KDM4D: variants seen among roughly 807,000 people sequenced by gnomAD.
KDM4D encodes the protein lysine demethylase 4D.
For missense variants in KDM4D, 427 were observed against 674.8 expected, an observed-to-expected ratio of 0.63 and a Z score of 4.07; for synonymous variants, 254 against 249.1, an observed-to-expected ratio of 1.02 and a Z score of -0.19.
chr11:94,980,161 AT>A (rs1857832184), intron 2 of KDM4D, among the ~76,000 whole-genome samples: 1 of 152,154 alleles, frequency 6.6e-6, no homozygotes, highest in Non-Finnish European at 1.5e-5. Flanking sequence ...GAGTGGTTCA[AT>A]TATCATTCTT....
intron 2 of KDM4D, among the ~76,000 whole-genome samples, chr11:94,981,816 T>C (rs979877705): frequency 2.6e-5 from 4 of 151,710 alleles, no homozygotes; most frequent in Non-Finnish European, 5.9e-5. Context: ...ATATTTTATA[T>C]TGGCTTTTTA....
At chr11:94,987,830 A>C (rs1555098257) in intron 2 of KDM4D, among the ~76,000 whole-genome samples, 1 of 152,212 alleles carries the variant, frequency 6.6e-6, no homozygotes, top group Non-Finnish European at 1.5e-5. Flanking sequence ...AGAACAAAAA[A>C]AATTCCTGGA....
intron 2 of KDM4D, among the ~76,000 whole-genome samples, chr11:94,976,950 T>G (rs1187115923): frequency 6.6e-6 from 1 of 152,204 alleles, no homozygotes; most frequent in Non-Finnish European, 1.5e-5. Flanking sequence ...AACAATTAAT[T>G]TTATAGCTGT....
intron 2 of KDM4D, among the ~76,000 whole-genome samples, chr11:94,988,608 T>C (rs1483420436): frequency 2.0e-5 from 3 of 152,196 alleles, no homozygotes; most frequent in African/African-American, 4.8e-5. Context: ...TAGACTCTAA[T>C]TGGAAATGTC....
At chr11:94,993,633 G>A (rs943664388) in intron 2 of KDM4D, among the ~76,000 whole-genome samples, 6 of 151,224 alleles carry the variant, frequency 4.0e-5, no homozygotes, top group Non-Finnish European at 7.4e-5. Context: ...AGAATCCTTA[G>A]AAATGTAGAA....
intron 2 of KDM4D, among the ~76,000 whole-genome samples, chr11:94,978,552 A>G (rs1231039228): frequency 1.3e-5 from 2 of 152,194 alleles, no homozygotes; most frequent in African/African-American, 2.4e-5. Context: ...TCCAAATGAA[A>G]TATCATTTGC....
At chr11:94,994,783 T>C (rs189150761) in intron 2 of KDM4D, among the ~76,000 whole-genome samples, 1,477 of 126,124 alleles carry the variant, frequency 0.012, 15 homozygotes, top group South Asian at 0.051. Context: ...GACCTGGGGT[T>C]GGGTGGGAGA....
chr11:94,984,227 G>A (rs1857865743), intron 2 of KDM4D, among the ~76,000 whole-genome samples: 1 of 152,146 alleles, frequency 6.6e-6, no homozygotes, highest in Non-Finnish European at 1.5e-5. Flanking sequence ...AGGCACAGTG[G>A]CTCATGCCTG....
At chr11:94,994,088 G>A (rs1444741485) in intron 2 of KDM4D, among the ~76,000 whole-genome samples, 1 of 152,110 alleles carries the variant, frequency 6.6e-6, no homozygotes, top group East Asian at 1.9e-4. Flanking sequence ...TCTTCTATAA[G>A]GAAGATAAAG....
intron 2 of KDM4D, among the ~76,000 whole-genome samples, chr11:94,995,874 A>G (rs1857971529): frequency 6.6e-6 from 1 of 152,084 alleles, no homozygotes; most frequent in African/African-American, 2.4e-5. Context: ...GCCTGGAAAA[A>G]TCCTAACCCT....
At chr11:94,980,916 T>C (rs1857837229) in intron 2 of KDM4D, among the ~76,000 whole-genome samples, 1 of 152,162 alleles carries the variant, frequency 6.6e-6, no homozygotes, top group Non-Finnish European at 1.5e-5. Context: ...TTTCCTTGCC[T>C]TCTTATGTTG....
intron 2 of KDM4D, among the ~76,000 whole-genome samples, chr11:94,996,363 A>C (rs1251809674): frequency 2.0e-5 from 3 of 152,164 alleles, no homozygotes; most frequent in Admixed American, 2.0e-4. Context: ...CCTACACAAC[A>C]ACCCCTCTTT....
At chr11:94,983,834 A>C (rs11020995) in intron 2 of KDM4D, among the ~76,000 whole-genome samples, 92,983 of 151,972 alleles carry the variant, frequency 0.61, 29,087 homozygotes, top group Middle Eastern at 0.73. Flanking sequence ...AGGTGTGGAG[A>C]AACAGAAACT....
chr11:94,982,286 G>A (rs1251951206), intron 2 of KDM4D, among the ~76,000 whole-genome samples: 5 of 151,842 alleles, frequency 3.3e-5, no homozygotes, highest in South Asian at 2.1e-4. Context: ...TCTGCAGCTC[G>A]GCAGAACTGA....
rs143300349 is a variant in KDM4D, at chr11:94,976,129, G to C, written c.-350+381G>C. Among the ~76,000 whole-genome samples the C allele has an allele frequency of 3.3e-3, 499 of 152,268 alleles. 4 individuals carry two copies. The highest frequency in any genetic ancestry group is 0.011 in the African/African-American group (470 of 41,544). On this transcript the variant is annotated intron_variant, in intron 2 of 2. Coordinates refer to ENST00000335080, the MANE Select transcript of KDM4D (RefSeq NM_018039.3). ...TTTACTAAAATCTTGAAATTCATCT[G>C]ATCAGTTAACCTAGCTGGCAAAAAT...
At position 94,998,732 on chromosome 11, in the gene KDM4D, G is replaced by T. The variant is rs1410747024; in HGVS notation, c.1360G>T (p.Gly454Cys). 1.2e-6 allele frequency: 2 copies of T among 1,613,922 alleles called. No homozygotes were observed. The highest frequency in any genetic ancestry group is 3.3e-5 in the Admixed American group (2 of 60,004). Residue 454 changes from glycine to cysteine, a missense_variant, in exon 3 of 3, where the codon GGT becomes TGT. Coordinates refer to ENST00000335080, the MANE Select transcript of KDM4D (RefSeq NM_018039.3). The surrounding 1 kb of genome is among the most constrained non-coding windows in gnomAD (Gnocchi z 6.7). Reference sequence around the variant, plus strand: ...CCCGTCAAATGGCAGACGTGGTCGTGGTCGCCCTCCTCAGAAACTGAGAGC... The same window carrying T: ...CCCGTCAAATGGCAGACGTGGTCGTTGTCGCCCTCCTCAGAAACTGAGAGC... ...IHPSNGRRGR[G>C]RPPQKLRAQE...
At position 94,982,543 on chromosome 11, in the gene KDM4D, T is replaced by TAA. The variant is rs56220010; in HGVS notation, c.-350+6810_-350+6811dup. On this transcript the variant is annotated intron_variant, in intron 2 of 2. Transcript: ENST00000335080. ...TAGTTACTTAAGACTTCCCTATTTC[T>TAA]AAAAAAAAAAAAAAAAGAGACATGA... Among the ~76,000 whole-genome samples, 190 of 139,564 alleles carry TAA rather than the reference T, an allele frequency of 1.4e-3. 3 individuals carry two copies. Among genetic ancestry groups the TAA allele is most frequent in the East Asian group, 0.011 (49 of 4,580 alleles). 91.6% of individuals were successfully genotyped at this position (139,564 alleles called of 152,430 possible).
chr11:94,998,755 A>T lies in KDM4D; in HGVS notation c.1383A>T (p.Arg461Ser), dbSNP rs1555099636. The change falls in exon 3 of 3, where the codon AGA becomes AGT. Residue 461 changes from arginine to serine, a missense_variant. By Grantham distance (110) the Arg-to-Ser change is moderately radical. Coordinates refer to ENST00000335080, the MANE Select transcript of KDM4D (RefSeq NM_018039.3). This position sits in a 1 kb window ranked among gnomAD's most constrained non-coding sequence, Gnocchi z 6.7. The stretch of plus-strand genomic sequence containing the variant: ...GTGGTCGCCCTCCTCAGAAACTGAG[A>T]GCTCAGGAGCTGACCCTCCAGACTC... ...RGRGRPPQKL[R>S]AQELTLQTPA... 1.2e-6 allele frequency: 2 copies of T among 1,612,730 alleles called. No individual in the cohort carries two copies. The highest frequency in any genetic ancestry group is 1.3e-5 in the African/African-American group (1 of 74,984).
At chr11:94,980,684 T>C (rs1857835527) in intron 2 of KDM4D, among the ~76,000 whole-genome samples, 1 of 152,192 alleles carries the variant, frequency 6.6e-6, no homozygotes, top group African/African-American at 2.4e-5. Flanking sequence ...TTAATGCTAT[T>C]ATAAATGGCG....
Sources: gnomAD v4.1 joint callset for allele counts (sites outside exome capture counted in the v4.1 genomes callset) on GRCh38, gnomAD v4.1.1 for gene constraint, Gnocchi (gnomAD v3.1) non-coding constraint, MANE v1.5 for transcripts, NCBI Gene and HGNC (gene_info 2026-07-23, HGNC 2026-07-21) for gene names.